Variants in NELL1 observed in about 807,000 individuals in gnomAD.
The protein encoded by NELL1 is protein kinase C-binding protein NELL1.
NELL1 carries 76 observed loss-of-function variants against 107.4 expected under a neutral mutation model. The observed-to-expected ratio is 0.71, with a 90% confidence interval of 0.59 to 0.86. NELL1 has a LOEUF of 0.86. Among genes scored for constraint, NELL1 ranks in the 40% least tolerant of loss-of-function variants. The pLI, the probability that NELL1 is intolerant of heterozygous loss-of-function variation, is 0.00. For missense variants in NELL1, 1,024 were observed against 1,005.5 expected, an observed-to-expected ratio of 1.02 and a Z score of -0.25; for synonymous variants, 353 against 341.2, an observed-to-expected ratio of 1.03 and a Z score of -0.38.
intron 14 of NELL1, among the ~76,000 whole-genome samples, chr11:21,292,566 T>A (rs1849294749): frequency 6.6e-6 from 1 of 152,024 alleles, no homozygotes; most frequent in South Asian, 2.1e-4. Context: ...TTCACAGAGT[T>A]AGAAAAAAAC....
intron 15 of NELL1, among the ~76,000 whole-genome samples, chr11:21,392,700 T>C (rs546217359): frequency 6.6e-6 from 1 of 151,826 alleles, no homozygotes; most frequent in Non-Finnish European, 1.5e-5. Flanking sequence ...TAACTGACCA[T>C]AAAGATAGTC....
At chr11:21,462,396 T>G (rs1853920743) in intron 15 of NELL1, among the ~76,000 whole-genome samples, 1 of 152,058 alleles carries the variant, frequency 6.6e-6, no homozygotes, top group Non-Finnish European at 1.5e-5. Context: ...TTAGCAGGAT[T>G]TATGGTTTTG....
At chr11:21,027,637 G>T (rs1474033073) in intron 12 of NELL1, among the ~76,000 whole-genome samples, 1 of 152,026 alleles carries the variant, frequency 6.6e-6, no homozygotes, top group African/African-American at 2.4e-5. Flanking sequence ...TCTCAGAGTT[G>T]GCAGATCTCA....
intron 14 of NELL1, among the ~76,000 whole-genome samples, chr11:21,265,883 A>G (rs1848623874): frequency 1.3e-5 from 2 of 151,986 alleles, no homozygotes; most frequent in Middle Eastern, 3.2e-3. Flanking sequence ...TTTTTCATTC[A>G]AGGCCCTCTA....
intron 13 of NELL1, among the ~76,000 whole-genome samples, chr11:21,116,092 A>C (rs11025925): frequency 6.6e-6 from 1 of 151,820 alleles, no homozygotes; most frequent in African/African-American, 2.4e-5. Context: ...TTCCATACTC[A>C]CCATTCTGCA....
chr11:21,378,570 C>G (rs7105978), intron 15 of NELL1, among the ~76,000 whole-genome samples: 1 of 151,608 alleles, frequency 6.6e-6, no homozygotes, highest in Non-Finnish European at 1.5e-5. Context: ...TTCTCCAACT[C>G]CACCCAAGGA....
chr11:20,981,153 G>C (rs541584274), intron 12 of NELL1, among the ~76,000 whole-genome samples: 3 of 152,154 alleles, frequency 2.0e-5, no homozygotes, highest in Non-Finnish European at 4.4e-5. Context: ...ACCATGCAAG[G>C]CACTTAAAAC....
At chr11:21,116,872 T>C (rs1030114237) in intron 13 of NELL1, among the ~76,000 whole-genome samples, 1 of 152,046 alleles carries the variant, frequency 6.6e-6, no homozygotes, top group African/African-American at 2.4e-5. Context: ...AGAGCAATTT[T>C]TTTAAAAAGA....
At chr11:21,189,031 G>T (rs1193350605) in intron 13 of NELL1, among the ~76,000 whole-genome samples, 1 of 151,722 alleles carries the variant, frequency 6.6e-6, no homozygotes, top group African/African-American at 2.4e-5. Context: ...AATTTGTATA[G>T]TATTGTTTGA....
Position 20,873,630 on chromosome 11 carries a change from C to T in NELL1, c.507-11814C>T, listed in dbSNP as rs1016034682. 3.3e-5 allele frequency among the ~76,000 whole-genome samples: 5 copies of T among 152,082 alleles called. No homozygotes were observed. In the South Asian group the frequency reaches 1.0e-3, roughly 32 times the overall value. On this transcript the variant is annotated intron_variant, in intron 4 of 19. Transcript: ENST00000357134. ...TTTACGGATGAAGAAACAAAGGACTCAGAGAGGTTTAGTAACTTGTCCCAA... is the reference window on the plus strand; with the variant it reads ...TTTACGGATGAAGAAACAAAGGACTTAGAGAGGTTTAGTAACTTGTCCCAA...
chr11:21,350,653 A>T (rs1412422351), intron 14 of NELL1, among the ~76,000 whole-genome samples: 1 of 152,176 alleles, frequency 6.6e-6, no homozygotes, highest in African/African-American at 2.4e-5. Context: ...AATTTATTCA[A>T]TAAGGAGTGA....
intron 3 of NELL1, among the ~76,000 whole-genome samples, chr11:20,817,372 G>A (rs1320312680): frequency 1.3e-5 from 2 of 152,126 alleles, no homozygotes; most frequent in Non-Finnish European, 2.9e-5. Context: ...CTGGGAAGTT[G>A]TGTGTATCCA....
chr11:21,456,605 TTC>T (rs1298235567), intron 15 of NELL1, among the ~76,000 whole-genome samples: 1 of 152,170 alleles, frequency 6.6e-6, no homozygotes, highest in Non-Finnish European at 1.5e-5. Context: ...TATATTGATC[TTC>T]TGTTATAATT....
chr11:20,994,202 T>A (rs531209033), intron 12 of NELL1, among the ~76,000 whole-genome samples: 15 of 152,348 alleles, frequency 9.8e-5, no homozygotes, highest in African/African-American at 3.6e-4. Flanking sequence ...CACATACACC[T>A]ATTTCCTCCC....
chr11:21,129,729 A>G (rs1341550881), intron 13 of NELL1, among the ~76,000 whole-genome samples: 2 of 152,178 alleles, frequency 1.3e-5, no homozygotes, highest in African/African-American at 2.4e-5. Context: ...GACAAAATGT[A>G]AAATGGTGGT....
At chr11:21,306,631 A>G (rs886605963) in intron 14 of NELL1, among the ~76,000 whole-genome samples, 2 of 152,082 alleles carry the variant, frequency 1.3e-5, no homozygotes, top group African/African-American at 4.8e-5. Context: ...ACCTTTACTC[A>G]GATGAAACTC....
intron 5 of NELL1, among the ~76,000 whole-genome samples, chr11:20,916,374 A>G (rs573162631): frequency 7.9e-5 from 12 of 151,982 alleles, no homozygotes; most frequent in Non-Finnish European, 1.6e-4. Context: ...GAGTAAGATC[A>G]CTTGAAAAGG....
intron 15 of NELL1, among the ~76,000 whole-genome samples, chr11:21,413,754 T>C (rs1289208645): frequency 6.6e-6 from 1 of 152,062 alleles, no homozygotes; most frequent in Non-Finnish European, 1.5e-5. Context: ...TTCTCTGATG[T>C]AGAAAAATAT....
chr11:20,752,420 A>G (rs544396605), intron 2 of NELL1, among the ~76,000 whole-genome samples: 1 of 152,112 alleles, frequency 6.6e-6, no homozygotes, highest in Non-Finnish European at 1.5e-5. Flanking sequence ...GTGGTGGTGC[A>G]TGCCTGTAAT....
Sources: gnomAD v4.1 joint callset for allele counts (sites outside exome capture counted in the v4.1 genomes callset) on GRCh38, gnomAD v4.1.1 for gene constraint, MANE v1.5 for transcripts, NCBI Gene and HGNC (gene_info 2026-07-23, HGNC 2026-07-21) for gene names.